DOCK3: variants seen among roughly 807,000 people sequenced by gnomAD.
DOCK3 encodes the protein dedicator of cytokinesis 3.
Under a neutral mutation model 265.6 loss-of-function variants are expected in DOCK3, and 60 were observed. The observed-to-expected ratio is 0.23, with a 90% CI of 0.18 to 0.28. The LOEUF is 0.28. Among genes scored for constraint, DOCK3 ranks in the 10% least tolerant of loss-of-function variants. The probability of loss-of-function intolerance (pLI) is 1.00; values close to 1 mark genes in which losing one functional copy is unlikely to be tolerated. For missense variants in DOCK3, 1,981 were observed against 2,594.3 expected (o/e 0.76, Z 5.14); for synonymous variants, 881 against 938.0 (o/e 0.94, Z 1.11).
intron 19 of DOCK3, 45 bp downstream of exon 19, chr3:51,229,654 T>C (rs1410874102): frequency 1.3e-5 from 18 of 1,427,024 alleles, no homozygotes; most frequent in Non-Finnish European, 1.7e-5. Flanking sequence ...AGGAAGAATC[T>C]GGGCAGAAGA....
chr3:51,069,888 C>T (rs1331155351), intron 6 of DOCK3, among the ~76,000 whole-genome samples: 1 of 152,136 alleles, frequency 6.6e-6, no homozygotes. Context: ...TAAGGACTCA[C>T]TGATATTTTC....
chr3:51,178,070 A>G (rs1373292068), intron 12 of DOCK3, among the ~76,000 whole-genome samples: 2 of 151,324 alleles, frequency 1.3e-5, no homozygotes, highest in Non-Finnish European at 2.9e-5. Flanking sequence ...AACAAAATCC[A>G]TCTATATGAT....
At chr3:51,366,504 T>C (rs1247936059) in intron 49 of DOCK3, among the ~76,000 whole-genome samples, 5 of 152,202 alleles carry the variant, frequency 3.3e-5, no homozygotes, top group Non-Finnish European at 7.3e-5. Context: ...TCTGCTCTGA[T>C]CTTAGTTATT....
intron 3 of DOCK3, 28 bp downstream of exon 3, chr3:50,841,743 C>CTTTTTATTTTTTTTTTTTTTTTTTTTT: frequency 2.1e-6 from 1 of 483,404 alleles, no homozygotes; most frequent in African/African-American, 1.8e-5. Flanking sequence ...GTTACCTTTT[C>CTTTTTATTTTTTTTTTTTTTTTTTTTT]TAATGTAGGA....
At chr3:50,988,869 A>T (rs1251729113) in intron 5 of DOCK3, among the ~76,000 whole-genome samples, 2 of 152,152 alleles carry the variant, frequency 1.3e-5, no homozygotes, top group Admixed American at 6.5e-5. Context: ...TCCCCCAGCC[A>T]GAGCTATCAA....
intron 27 of DOCK3, among the ~76,000 whole-genome samples, chr3:51,291,932 G>A (rs945489905): frequency 6.6e-6 from 1 of 152,132 alleles, no homozygotes; most frequent in African/African-American, 2.4e-5. Flanking sequence ...GGAATACAAG[G>A]TTGGTTCAAC....
chr3:50,686,454 A>G (rs139397026), intron 1 of DOCK3, among the ~76,000 whole-genome samples: 166 of 152,318 alleles, frequency 1.1e-3, no homozygotes, highest in African/African-American at 3.9e-3. Flanking sequence ...AGCATGCACA[A>G]AGTCAATTCA....
At chr3:51,001,216 C>T (rs576593565) in intron 5 of DOCK3, among the ~76,000 whole-genome samples, 29 of 152,258 alleles carry the variant, frequency 1.9e-4, no homozygotes, top group African/African-American at 6.0e-4. Flanking sequence ...GTATATTGCC[C>T]TCCCCATGTG....
intron 27 of DOCK3, among the ~76,000 whole-genome samples, chr3:51,294,677 CAAAAA>C (rs59339067): frequency 1.1e-4 from 13 of 119,858 alleles, no homozygotes; most frequent in African/African-American, 3.8e-4. Flanking sequence ...GACTCTATCT[CAAAAA>C]AAAAAAAAAA....
Position 51,278,437 on chromosome 3 carries a change from A to G in DOCK3, c.2823+683A>G, listed in dbSNP as rs2080932111. The G allele has an allele frequency of 4.1e-6, 4 of 985,340 alleles. No homozygotes were observed. The African/African-American group carries it at 5.2e-5, about 13-fold the overall frequency. The allele number at this position is 985,340 out of a possible 1,614,324, so 61.0% of individuals were successfully genotyped here. On this transcript the variant is annotated intron_variant, in intron 26 of 52. Transcript: ENST00000266037. ...TTTCGTGGAATCTTTCCATTGGCAGATGGGAGATTACAGTGATCTCTCTGA... is the reference window on the plus strand; with the variant it reads ...TTTCGTGGAATCTTTCCATTGGCAGGTGGGAGATTACAGTGATCTCTCTGA...
At chr3:51,285,466 CAG>C (rs943815083) in intron 27 of DOCK3, among the ~76,000 whole-genome samples, 22 of 151,472 alleles carry the variant, frequency 1.5e-4, no homozygotes, top group African/African-American at 2.2e-4. Context: ...AACAAAGAAA[CAG>C]AAAGTATACA....
At chr3:51,308,479 A>G (rs1448263413) in intron 27 of DOCK3, among the ~76,000 whole-genome samples, 1 of 151,296 alleles carries the variant, frequency 6.6e-6, no homozygotes, top group East Asian at 1.9e-4. Flanking sequence ...CACCGCCCTT[A>G]ATCCATTTAA....
At position 51,333,260 on chromosome 3, in the gene DOCK3, TC is replaced by T; in HGVS notation, c.3611+8del. 6.2e-7 allele frequency: 1 copy of T among 1,611,686 alleles called. No homozygotes were observed. Among genetic ancestry groups the T allele is most frequent in the Non-Finnish European group, 8.5e-7 (1 of 1,179,542 alleles). On this transcript the variant is annotated splice_region_variant and intron_variant, in intron 35 of 52. Transcript: ENST00000266037. The stretch of plus-strand genomic sequence containing the variant: ...AACGTCTTCTTGACTACAGGTATCT[TC>T]TCAGCCACCCGCTCCCCTCTTCCCT...
chr3:50,973,109 T>G (rs1329180285), intron 5 of DOCK3, among the ~76,000 whole-genome samples: 1 of 126,972 alleles, frequency 7.9e-6, no homozygotes, highest in Non-Finnish European at 1.7e-5. Flanking sequence ...GACTTAAATT[T>G]CTTTTTTTTT....
rs754971562 is a variant in DOCK3 at position 51,270,874 on chromosome 3, G to A, written c.2415G>A (p.Val805=). 1 of 1,614,014 alleles carries A rather than the reference G, an allele frequency of 6.2e-7. No individual in the cohort carries two copies. Among genetic ancestry groups the A allele is most frequent in the African/African-American group, 1.3e-5 (1 of 75,050 alleles). Residue 805 remains valine (V), a synonymous_variant, in exon 24 of 53, where the codon GTG becomes GTA. Coordinates refer to ENST00000266037, the MANE Select transcript of DOCK3 (RefSeq NM_004947.5). ...ATGAGCTTCTGCAAATGTTCACCGT[G>A]CAAGAGGTGGCAGAGTTTGTGAGAG... ...IFDELLQMFT[V]QEVAEFVRGT...
In DOCK3 at chr3:51,356,090, C is replaced by T. The variant is rs768507504; in HGVS notation, c.4251C>T (p.Tyr1417=). The T allele has an allele frequency of 8.7e-6, 14 of 1,613,862 alleles. No individual in the cohort carries two copies. Among genetic ancestry groups the T allele is most frequent in the Non-Finnish European group, 1.1e-5 (13 of 1,179,888 alleles). The change falls in exon 42 of 53, where the codon TAC becomes TAT. Residue 1417 remains tyrosine, a splice_region_variant and synonymous_variant. Coordinates refer to ENST00000266037, the MANE Select transcript of DOCK3 (RefSeq NM_004947.5). ...DDAILQCDAQ[Y]LQIYAVTPIP... ...GTTTCTCCTTCACTTCCTGCCCAGA[C>T]TTGCAGATCTATGCAGTGACGCCCA... is the stretch of plus-strand genomic sequence containing the variant.
chr3:51,342,939 C>G (rs1355553255), intron 38 of DOCK3, among the ~76,000 whole-genome samples: 1 of 152,166 alleles, frequency 6.6e-6, no homozygotes, highest in Non-Finnish European at 1.5e-5. Flanking sequence ...CCCTCATGAG[C>G]TCATCCTCAG....
At chr3:50,954,020 A>G (rs1486381676) in intron 5 of DOCK3, among the ~76,000 whole-genome samples, 1 of 152,036 alleles carries the variant, frequency 6.6e-6, no homozygotes, top group African/African-American at 2.4e-5. Flanking sequence ...AATCCCCACC[A>G]TTGTTATGCA....
rs141212647 is a variant in DOCK3, at chr3:51,321,921, C to G, written c.3402+6793C>G. On this transcript the variant is annotated intron_variant, in intron 32 of 52. Coordinates refer to ENST00000266037, the MANE Select transcript of DOCK3 (RefSeq NM_004947.5). ...AAACACTCTTCAGGATATTATCCAGCAGAACTTCCCCAACCTAGCAAGACA... is the reference window on the plus strand; with the variant it reads ...AAACACTCTTCAGGATATTATCCAGGAGAACTTCCCCAACCTAGCAAGACA... Among the ~76,000 whole-genome samples the G allele has an allele frequency of 1.1e-3, 165 of 152,262 alleles. 2 individuals are homozygous for G. In the East Asian group the frequency reaches 0.026, roughly 24 times the overall value.
Sources: gnomAD v4.1 joint callset for allele counts (sites outside exome capture counted in the v4.1 genomes callset) on GRCh38, gnomAD v4.1.1 for gene constraint, MANE v1.5 for transcripts, NCBI Gene and HGNC (gene_info 2026-07-23, HGNC 2026-07-21) for gene names.